Variants in POFUT3 observed in about 807,000 individuals in gnomAD.
POFUT3 encodes the protein protein O-fucosyltransferase 3.
At chr8:33,458,429 T>G in the POFUT3 span, among the ~76,000 whole-genome samples, 1 of 152,084 alleles carries the variant, frequency 6.6e-6, no homozygotes, top group Non-Finnish European at 1.5e-5. Context: ...AAAACAGGAA[T>G]GGAGGCCAGG....
At chr8:33,421,731 T>C in the POFUT3 span, among the ~76,000 whole-genome samples, 2 of 152,318 alleles carry the variant, frequency 1.3e-5, no homozygotes, top group East Asian at 3.9e-4. Flanking sequence ...GAACTCGTTT[T>C]GTTATTTGGA....
the POFUT3 span, among the ~76,000 whole-genome samples, chr8:33,322,964 C>G: frequency 6.6e-6 from 1 of 150,832 alleles, no homozygotes; most frequent in Non-Finnish European, 1.5e-5. Context: ...TCAAAGACAA[C>G]TAAGTGTTTT....
the POFUT3 span, chr8:33,436,417 G>A: frequency 3.5e-6 from 5 of 1,435,010 alleles, no homozygotes; most frequent in Non-Finnish European, 3.9e-6. Flanking sequence ...AAACTTGGCT[G>A]GAAGCTCCTT....
chr8:33,450,222 T>C, the POFUT3 span, among the ~76,000 whole-genome samples: 1 of 152,220 alleles, frequency 6.6e-6, no homozygotes, highest in Non-Finnish European at 1.5e-5. Context: ...ATTACAGGCA[T>C]GAGCCATTGT....
chr8:33,346,934 T>C, the POFUT3 span, among the ~76,000 whole-genome samples: 2 of 152,110 alleles, frequency 1.3e-5, no homozygotes, highest in Non-Finnish European at 2.9e-5. Context: ...TTCTATGAAG[T>C]TTTAGTCCCT....
At chr8:33,436,780 G>T in the POFUT3 span, 1 of 506,974 alleles carries the variant, frequency 2.0e-6, no homozygotes, top group Admixed American at 3.3e-5. Context: ...TAAAATAGCG[G>T]CCAATTTTTT....
At chr8:33,416,939 A>G in the POFUT3 span, among the ~76,000 whole-genome samples, 2 of 152,178 alleles carry the variant, frequency 1.3e-5, no homozygotes, top group Non-Finnish European at 2.9e-5. Context: ...CTTGGGAAAC[A>G]GTTAGAACAG....
the POFUT3 span, among the ~76,000 whole-genome samples, chr8:33,365,863 C>T: frequency 6.6e-6 from 1 of 152,170 alleles, no homozygotes; most frequent in Non-Finnish European, 1.5e-5. Context: ...CCTCAAGGAT[C>T]CAGAACTAGA....
chr8:33,335,687 T>C, the POFUT3 span, among the ~76,000 whole-genome samples: 1 of 152,180 alleles, frequency 6.6e-6, no homozygotes, highest in Non-Finnish European at 1.5e-5. Flanking sequence ...GCCTTACCAA[T>C]AACATAAACA....
chr8:33,389,088 G>A, the POFUT3 span: 32 of 1,614,128 alleles, frequency 2.0e-5, no homozygotes, highest in East Asian at 8.9e-5. Context: ...GTCAGAAGTC[G>A]CTGGTTAGAG....
At chr8:33,310,151 A>C in the POFUT3 span, among the ~76,000 whole-genome samples, 1 of 152,142 alleles carries the variant, frequency 6.6e-6, no homozygotes, top group Non-Finnish European at 1.5e-5. Flanking sequence ...GACAAACAGA[A>C]TCATAGAATT....
the POFUT3 span, among the ~76,000 whole-genome samples, chr8:33,419,336 G>A: frequency 6.6e-6 from 1 of 152,212 alleles, no homozygotes; most frequent in African/African-American, 2.4e-5. Context: ...TTTTTCCACA[G>A]ACTGGGGTGG....
At chr8:33,372,669 A>G in the POFUT3 span, 3 of 1,614,016 alleles carry the variant, frequency 1.9e-6, no homozygotes, top group Non-Finnish European at 1.7e-6. Flanking sequence ...TCTTTCTTGG[A>G]TTGTTCAAAG....
chr8:33,349,294 T>C, the POFUT3 span, among the ~76,000 whole-genome samples: 1 of 152,204 alleles, frequency 6.6e-6, no homozygotes, highest in African/African-American at 2.4e-5. Context: ...TAAAAAAATT[T>C]TTTTTGATAG....
At chr8:33,427,791 C>G in the POFUT3 span, among the ~76,000 whole-genome samples, 2 of 152,092 alleles carry the variant, frequency 1.3e-5, no homozygotes, top group Non-Finnish European at 2.9e-5. Flanking sequence ...TCTTCAAAAG[C>G]TATCCCCAAA....
chr8:33,365,648 T>C, the POFUT3 span, among the ~76,000 whole-genome samples: 1 of 152,106 alleles, frequency 6.6e-6, no homozygotes, highest in East Asian at 1.9e-4. Context: ...AACAGACACA[T>C]GAAAAAATGC....
the POFUT3 span, among the ~76,000 whole-genome samples, chr8:33,379,845 A>AT: frequency 1.1e-4 from 5 of 45,238 alleles, no homozygotes; most frequent in African/African-American, 3.1e-4. Flanking sequence ...AAAAAAAAAA[A>AT]AATATATATA....
At chr8:33,327,325 T>C in the POFUT3 span, among the ~76,000 whole-genome samples, 2 of 152,202 alleles carry the variant, frequency 1.3e-5, no homozygotes, top group African/African-American at 2.4e-5. Flanking sequence ...TATGTAGACT[T>C]CTGCTGGCCT....
At chr8:33,359,212 A>G in the POFUT3 span, among the ~76,000 whole-genome samples, 79 of 152,320 alleles carry the variant, frequency 5.2e-4, 1 homozygote, top group African/African-American at 1.7e-3. Context: ...AAGAACATTC[A>G]AGTGTTATTT....
Sources: allele counts gnomAD v4.1 joint callset (sites outside exome capture counted in the v4.1 genomes callset), GRCh38; gene constraint gnomAD v4.1.1; transcripts MANE v1.5; gene names NCBI Gene and HGNC (gene_info 2026-07-23, HGNC 2026-07-21).